The following SPTB variants were observed in gnomAD, a reference collection of about 807,000 sequenced individuals.
SPTB encodes spectrin beta, erythrocytic, also known as spectrin beta chain, erythrocytic.
In SPTB, 45 loss-of-function variants were observed where a neutral mutation model predicts 256.2. That is an observed-to-expected ratio of 0.18 (90% CI 0.14 to 0.23). The LOEUF is 0.23. SPTB is among the 10% of genes least tolerant of loss of function. The pLI is 1.00. For synonymous variants in SPTB, 1,231 were observed against 1,243.1 expected, an observed-to-expected ratio of 0.99 and a Z score of 0.21; for missense variants, 2,715 against 3,040.4, an observed-to-expected ratio of 0.89 and a Z score of 2.52.
At chr14:64,859,906 G>GAA (rs61422985) in intron 1 of SPTB, among the ~76,000 whole-genome samples, 2 of 151,948 alleles carry the variant, frequency 1.3e-5, no homozygotes, top group East Asian at 3.9e-4. Flanking sequence ...TTTGTGATCA[G>GAA]AAAAAAAAAA....
chr14:64,808,971 C>T (rs922881358), intron 2 of SPTB, among the ~76,000 whole-genome samples: 6 of 151,822 alleles, frequency 4.0e-5, no homozygotes, highest in South Asian at 2.1e-4. Flanking sequence ...CATAAAAGGC[C>T]AAAGCTAGGC....
In SPTB at chr14:64,797,736, A is replaced by G. The variant is rs770497779; in HGVS notation, c.1175T>C (p.Ile392Thr). 6.2e-7 allele frequency: 1 copy of G among 1,610,416 alleles called. No individual in the cohort carries two copies. The highest frequency in any genetic ancestry group is 8.5e-7 in the Non-Finnish European group (1 of 1,176,636). Residue 392 changes from isoleucine (I) to threonine (T), a missense_variant, in exon 10 of 36, where the codon ATC becomes ACC. Physicochemically the swap from Ile to Thr is moderately conservative, Grantham distance 89. Around this residue, in one of 4 missense-constraint regions of SPTB, gnomAD observed 416 missense variants for 571.1 expected, o/e 0.73. Transcript: ENST00000644917. The part of the protein sequence containing the change: ...TPHDGKLVSD[I>T]NRAWESLEEA... ...CGGAAAATGCTGTGGTACCCTGTTGATGTCAGACACTAGTTTCCCATCGTG... is the reference window on the plus strand; with the variant it reads ...CGGAAAATGCTGTGGTACCCTGTTGGTGTCAGACACTAGTTTCCCATCGTG...
At chr14:64,861,206 G>A (rs2083963563) in intron 1 of SPTB, among the ~76,000 whole-genome samples, 2 of 152,150 alleles carry the variant, frequency 1.3e-5, no homozygotes, top group African/African-American at 2.4e-5. Flanking sequence ...TCGGGGGTTG[G>A]GGGTGAGGGG....
chr14:64,876,428 C>T lies in SPTB; in HGVS notation c.-52+3364G>A, dbSNP rs561334931. ...AATCTCCCACTGGTCATGTTTCCTA[C>T]CTTTTCAGGTCTTGAGCAGACAGTA... is the stretch of plus-strand genomic sequence containing the variant. On this transcript the variant is annotated intron_variant, in intron 1 of 35. Transcript: ENST00000644917. Among the ~76,000 whole-genome samples, 5 of 152,238 alleles carry T rather than the reference C, an allele frequency of 3.3e-5. No homozygotes were observed. In the South Asian group the frequency reaches 1.0e-3, roughly 32 times the overall value.
intron 33 of SPTB, among the ~76,000 whole-genome samples, chr14:64,751,534 A>G (rs1269365458): frequency 6.6e-6 from 1 of 152,196 alleles, no homozygotes; most frequent in Non-Finnish European, 1.5e-5. Flanking sequence ...TTAAATAGCA[A>G]TGTGATGAAC....
intron 33 of SPTB, among the ~76,000 whole-genome samples, chr14:64,750,483 A>G (rs2081928418): frequency 6.6e-6 from 1 of 151,998 alleles, no homozygotes; most frequent in Non-Finnish European, 1.5e-5. Context: ...ATCCTCAAAT[A>G]TTTCTTTTTT....
intron 2 of SPTB, among the ~76,000 whole-genome samples, chr14:64,822,372 T>TCACACACACACACACACACACACACACA (rs1355459775): frequency 4.1e-4 from 1 of 2,424 alleles, no homozygotes; most frequent in Non-Finnish European, 8.4e-4. Context: ...TCTCTCTCTC[T>TCACACACACACACACACACACACACACA]CTCACACACA....
Position 64,767,099 on chromosome 14 carries a change from C to T in SPTB, c.6269+204G>A, listed in dbSNP as rs374649822. Reference sequence around the variant, plus strand: ...GCCACTGCTCCCAGCCCCCTCCTCCCGCACCAGGCCTTCAGCCCGCCTGTG... The same window carrying T: ...GCCACTGCTCCCAGCCCCCTCCTCCTGCACCAGGCCTTCAGCCCGCCTGTG... On this transcript the variant is annotated intron_variant, in intron 31 of 35. Coordinates refer to ENST00000644917, the MANE Select transcript of SPTB (RefSeq NM_001355436.2). Among the ~76,000 whole-genome samples the T allele has an allele frequency of 4.2e-3, 646 of 152,296 alleles. 5 individuals are homozygous for T. The highest frequency in any genetic ancestry group is 0.015 in the African/African-American group (622 of 41,558).
intron 2 of SPTB, among the ~76,000 whole-genome samples, chr14:64,821,078 T>G (rs1305724336): frequency 1.3e-5 from 2 of 152,166 alleles, no homozygotes; most frequent in Non-Finnish European, 2.9e-5. Context: ...GGGGCCCTTC[T>G]GCCTGCCAGA....
intron 1 of SPTB, among the ~76,000 whole-genome samples, chr14:64,862,060 G>A (rs547903207): frequency 6.6e-6 from 1 of 151,960 alleles, no homozygotes; most frequent in Non-Finnish European, 1.5e-5. Flanking sequence ...CTGTCAAATC[G>A]ACACCCCCAG....
At chr14:64,771,573 C>CA in intron 26 of SPTB, among the ~76,000 whole-genome samples, 1 of 152,276 alleles carries the variant, frequency 6.6e-6, no homozygotes, top group South Asian at 2.1e-4. Context: ...TAAAGGGGTA[C>CA]AGCTGGGATT....
intron 2 of SPTB, among the ~76,000 whole-genome samples, chr14:64,808,243 A>T (rs1016203474): frequency 2.0e-5 from 3 of 152,022 alleles, no homozygotes. Flanking sequence ...TGATCTCTTG[A>T]CCTCATGATC....
Position 64,769,600 on chromosome 14 carries a change from G to T in SPTB, c.5927C>A (p.Ala1976Asp). The stretch of plus-strand genomic sequence containing the variant: ...TTGCAGTCCCCTCACCTCCTCTGAG[G>T]CCTGGTGCTGCCGCTGCAGCAGGGA... ...GESLLQRQHQ[A>D]SEEIREKLQQ... Residue 1976 changes from alanine (A) to aspartate (D), a missense_variant, in exon 28 of 36, where the codon GCC becomes GAC. Physicochemically the swap from Ala to Asp is moderately radical, Grantham distance 126. Around this residue, in one of 4 missense-constraint regions of SPTB, gnomAD observed 2,239 missense variants for 2,384.4 expected, o/e 0.94. Transcript: ENST00000644917. 1 of 1,613,972 alleles carries T rather than the reference G, an allele frequency of 6.2e-7. No homozygotes were observed. The highest frequency in any genetic ancestry group is 1.7e-5 in the Admixed American group (1 of 60,030).
intron 1 of SPTB, among the ~76,000 whole-genome samples, chr14:64,830,346 ATTATT>A (rs1369879908): frequency 8.7e-6 from 1 of 115,424 alleles, no homozygotes; most frequent in East Asian, 2.2e-4. Flanking sequence ...TATTATTATT[ATTATT>A]ATTATTATTA....
At chr14:64,817,151 G>A (rs1566783643) in intron 2 of SPTB, among the ~76,000 whole-genome samples, 1 of 152,050 alleles carries the variant, frequency 6.6e-6, no homozygotes, top group Non-Finnish European at 1.5e-5. Flanking sequence ...GACAATGGAA[G>A]GCATTATGTC....
chr14:64,854,401 C>T (rs1160556965), intron 1 of SPTB, among the ~76,000 whole-genome samples: 1 of 147,792 alleles, frequency 6.8e-6, no homozygotes, highest in Non-Finnish European at 1.5e-5. Context: ...GCCTCAGCCT[C>T]CCGAGTAGCT....
intron 33 of SPTB, chr14:64,752,101 C>A: frequency 1.7e-6 from 2 of 1,143,468 alleles, no homozygotes; most frequent in Non-Finnish European, 2.3e-6. Context: ...CTAAACAAAA[C>A]AAAACAAAAC....
In SPTB at chr14:64,785,924, G is replaced by A; in HGVS notation, c.3589C>T (p.Pro1197Ser). The A allele has an allele frequency of 6.2e-7, 1 of 1,614,062 alleles. No individual in the cohort carries two copies. Among genetic ancestry groups the A allele is most frequent in the Non-Finnish European group, 8.5e-7 (1 of 1,180,010 alleles). The change falls in exon 17 of 36, where the codon CCA becomes TCA. Residue 1197 changes from proline (P) to serine (S), a missense_variant. Around this residue, in one of 4 missense-constraint regions of SPTB, gnomAD observed 2,239 missense variants for 2,384.4 expected, o/e 0.94. Transcript: ENST00000644917. The surrounding 1 kb of genome is among the most constrained non-coding windows in gnomAD (Gnocchi z 4.4). ...GCCTCTGCAGCTTCCAGGGAGTCTGGGGGCTCCAAGTGAGCCAGAGTGTAT... is the reference window on the plus strand; with the variant it reads ...GCCTCTGCAGCTTCCAGGGAGTCTGAGGGCTCCAAGTGAGCCAGAGTGTAT... The part of the protein sequence containing the change: ...QEYTLAHLEP[P>S]DSLEAAEAGI...
chr14:64,804,420 G>T (rs2082944850), intron 3 of SPTB, among the ~76,000 whole-genome samples: 1 of 152,202 alleles, frequency 6.6e-6, no homozygotes, highest in African/African-American at 2.4e-5. Context: ...GGAAAAGAGG[G>T]TCCTGCCTGA....
Sources: gnomAD v4.1 joint callset for allele counts (sites outside exome capture counted in the v4.1 genomes callset) on GRCh38, gnomAD v4.1.1 for gene constraint, gnomAD v4.1.1 regional missense constraint, Gnocchi (gnomAD v3.1) non-coding constraint, MANE v1.5 for transcripts, NCBI Gene and HGNC (gene_info 2026-07-23, HGNC 2026-07-21) for gene names.